CCDC178: variants seen among roughly 807,000 people sequenced by gnomAD.
The protein encoded by CCDC178 is coiled-coil domain containing 178, also known as coiled-coil domain-containing protein 178.
Under a neutral mutation model 117.4 loss-of-function variants are expected in CCDC178, and 126 were observed. The ratio of observed to expected loss-of-function variants is 1.07; its 90% CI spans 0.93 to 1.24. The LOEUF (loss-of-function observed/expected upper bound fraction) is 1.24. CCDC178 is among the 50% of genes most tolerant of loss of function. The pLI is 0.00. For missense variants in CCDC178, 1,030 were observed against 986.9 expected (o/e 1.04, Z -0.59); for synonymous variants, 283 against 313.4 (o/e 0.90, Z 1.02).
At chr18:33,122,109 C>G (rs2057944534) in intron 20 of CCDC178, among the ~76,000 whole-genome samples, 1 of 151,994 alleles carries the variant, frequency 6.6e-6, no homozygotes, top group Non-Finnish European at 1.5e-5. Flanking sequence ...AGAAGGAATC[C>G]CTGTTATTAA....
At chr18:33,214,793 G>A (rs888918166) in intron 19 of CCDC178, among the ~76,000 whole-genome samples, 1 of 151,910 alleles carries the variant, frequency 6.6e-6, no homozygotes, top group African/African-American at 2.4e-5. Context: ...AGAATGCATG[G>A]CAACAGGCTG....
chr18:33,002,293 T>TA (rs765690391), intron 21 of CCDC178, among the ~76,000 whole-genome samples: 104 of 151,892 alleles, frequency 6.8e-4, no homozygotes, highest in Non-Finnish European at 1.3e-3. Flanking sequence ...AAACAAGTCT[T>TA]ACAAAAATTC....
At chr18:33,026,892 G>C (rs2056240649) in intron 21 of CCDC178, among the ~76,000 whole-genome samples, 1 of 151,886 alleles carries the variant, frequency 6.6e-6, no homozygotes, top group African/African-American at 2.4e-5. Flanking sequence ...TCATTGGAAA[G>C]AGATCTGTAT....
At chr18:33,072,061 TG>T (rs2057118253) in intron 21 of CCDC178, among the ~76,000 whole-genome samples, 1 of 152,056 alleles carries the variant, frequency 6.6e-6, no homozygotes, top group African/African-American at 2.4e-5. Flanking sequence ...TGCAAGGACT[TG>T]AAAAAAATCT....
At chr18:33,262,002 C>T (rs1192779871) in intron 14 of CCDC178, among the ~76,000 whole-genome samples, 2 of 152,068 alleles carry the variant, frequency 1.3e-5, no homozygotes, top group African/African-American at 2.4e-5. Flanking sequence ...TCTAAGTAGA[C>T]ATTCATGATT....
At chr18:33,241,622 A>G (rs2059489417) in intron 15 of CCDC178, among the ~76,000 whole-genome samples, 1 of 151,752 alleles carries the variant, frequency 6.6e-6, no homozygotes. Flanking sequence ...AATAGCTATA[A>G]AAAATAAAAA....
At chr18:32,962,862 T>C (rs1199313749) in intron 22 of CCDC178, among the ~76,000 whole-genome samples, 2 of 152,108 alleles carry the variant, frequency 1.3e-5, no homozygotes, top group Non-Finnish European at 2.9e-5. Context: ...ACATTAATAC[T>C]ATACAAAAAA....
chr18:33,030,505 C>CCAGA (rs10642177), intron 21 of CCDC178, among the ~76,000 whole-genome samples: 22,889 of 148,050 alleles, frequency 0.15, 2,572 homozygotes, highest in African/African-American at 0.32. Flanking sequence ...TTGGAGTTCT[C>CCAGA]CAGACAGAAC....
At chr18:33,014,793 T>C (rs2055945802) in intron 21 of CCDC178, among the ~76,000 whole-genome samples, 2 of 151,942 alleles carry the variant, frequency 1.3e-5, no homozygotes, top group African/African-American at 4.8e-5. Flanking sequence ...ATAGAATTGG[T>C]CCAGGAAAAT....
chr18:33,070,031 TG>T (rs1344071442), intron 21 of CCDC178, among the ~76,000 whole-genome samples: 2 of 151,950 alleles, frequency 1.3e-5, no homozygotes, highest in Non-Finnish European at 2.9e-5. Context: ...CAACAAATGC[TG>T]GAAATAATAC....
intron 20 of CCDC178, among the ~76,000 whole-genome samples, chr18:33,093,281 C>T (rs1598875739): frequency 6.6e-6 from 1 of 152,030 alleles, no homozygotes; most frequent in African/African-American, 2.4e-5. Context: ...GTTTCCTGTC[C>T]TCTTATACTT....
chr18:32,939,955 A>C (rs1050915347), intron 22 of CCDC178, among the ~76,000 whole-genome samples: 1 of 152,174 alleles, frequency 6.6e-6, no homozygotes, highest in African/African-American at 2.4e-5. Context: ...TGCTTTAATA[A>C]AGCTAATTAC....
chr18:33,326,322 C>A (rs1440404684), intron 10 of CCDC178, among the ~76,000 whole-genome samples: 4 of 151,986 alleles, frequency 2.6e-5, no homozygotes, highest in Non-Finnish European at 4.4e-5. Context: ...AGGATGGGTA[C>A]ATAGTGGTGT....
At chr18:33,067,294 C>A (rs1382403387) in intron 21 of CCDC178, among the ~76,000 whole-genome samples, 1 of 152,096 alleles carries the variant, frequency 6.6e-6, no homozygotes, top group Non-Finnish European at 1.5e-5. Flanking sequence ...GTCAAAAAAT[C>A]TCCTAAAACA....
chr18:33,062,255 T>G (rs1159466256), intron 21 of CCDC178, among the ~76,000 whole-genome samples: 1 of 152,228 alleles, frequency 6.6e-6, no homozygotes, highest in African/African-American at 2.4e-5. Context: ...ATTAGCTATG[T>G]TAAGGTACTG....
intron 22 of CCDC178, among the ~76,000 whole-genome samples, chr18:32,953,897 A>T (rs951066674): frequency 6.6e-6 from 1 of 152,198 alleles, no homozygotes; most frequent in African/African-American, 2.4e-5. Flanking sequence ...AGACTTCTAG[A>T]GATGTTAATG....
intron 21 of CCDC178, among the ~76,000 whole-genome samples, chr18:32,986,912 A>G (rs926282464): frequency 6.6e-6 from 1 of 152,052 alleles, no homozygotes; most frequent in Non-Finnish European, 1.5e-5. Flanking sequence ...AATAAATAAA[A>G]TATCAAGTAT....
intron 20 of CCDC178, among the ~76,000 whole-genome samples, chr18:33,171,104 C>G (rs931601296): frequency 1.3e-5 from 2 of 151,890 alleles, no homozygotes; most frequent in Admixed American, 1.3e-4. Context: ...TATTTGTGAA[C>G]AAACACAACT....
chr18:32,993,415 A>G (rs1219324410), intron 21 of CCDC178, among the ~76,000 whole-genome samples: 1 of 151,996 alleles, frequency 6.6e-6, no homozygotes, highest in Non-Finnish European at 1.5e-5. Context: ...CTTAATCTGC[A>G]TATAATTAAA....
Sources: gnomAD v4.1 joint callset for allele counts (sites outside exome capture counted in the v4.1 genomes callset) on GRCh38, gnomAD v4.1.1 for gene constraint, MANE v1.5 for transcripts, NCBI Gene and HGNC (gene_info 2026-07-23, HGNC 2026-07-21) for gene names.